Variants in PLEKHG7 observed in about 807,000 individuals in gnomAD.
The protein encoded by PLEKHG7 is pleckstrin homology domain-containing family G member 7.
In PLEKHG7, 77 loss-of-function variants were observed where a neutral mutation model predicts 85.2. That is an observed-to-expected ratio of 0.90 (90% CI 0.75 to 1.09). PLEKHG7 has a LOEUF of 1.09. Ranked by LOEUF, PLEKHG7 falls within the 50% of genes least tolerant of loss-of-function variation. The probability of loss-of-function intolerance (pLI) is 0.00; values close to 1 mark genes in which losing one functional copy is unlikely to be tolerated. For synonymous variants in PLEKHG7, 301 were observed against 302.4 expected, an observed-to-expected ratio of 1.00 and a Z score of 0.05; for missense variants, 777 against 804.3, an observed-to-expected ratio of 0.97 and a Z score of 0.41.
chr12:92,713,421 C>T (rs888110091), intron 3 of PLEKHG7, among the ~76,000 whole-genome samples: 2 of 152,196 alleles, frequency 1.3e-5, no homozygotes, highest in Non-Finnish European at 2.9e-5. Flanking sequence ...TCAGTCTATT[C>T]TGATTGCCGC....
At position 92,741,451 on chromosome 12, in the gene PLEKHG7, G is replaced by A. The variant is rs572782938; in HGVS notation, c.1036-40G>A. 404 of 1,338,564 alleles carry A rather than the reference G, an allele frequency of 3.0e-4. 3 individuals carry two copies. The South Asian group carries it at 4.9e-3, about 16-fold the overall frequency. 82.9% of individuals were successfully genotyped at this position (1,338,564 alleles called of 1,614,324 possible). A position where few individuals can be genotyped will look rare whatever the true frequency, so the allele number is the denominator to read the frequency against. On this transcript the variant is annotated intron_variant, in intron 8 of 16. Coordinates refer to ENST00000344636, the MANE Select transcript of PLEKHG7 (RefSeq NM_001377329.1). The stretch of plus-strand genomic sequence containing the variant: ...AACAAATGTTTATTCCTTAACCCTG[G>A]GTGTGTGCCTATTTTTGTTTTCTTT...
intron 3 of PLEKHG7, chr12:92,708,452 C>T (rs1386754882): frequency 1.3e-5 from 2 of 152,120 alleles, no homozygotes; most frequent in Non-Finnish European, 2.9e-5. Flanking sequence ...ATTGTACCAA[C>T]AAAGGTAGAA....
At position 92,740,842 on chromosome 12, in the gene PLEKHG7, T is replaced by G; in HGVS notation, c.940-11T>G. On this transcript the variant is annotated splice_polypyrimidine_tract_variant and intron_variant, in intron 7 of 16. Coordinates refer to ENST00000344636, the MANE Select transcript of PLEKHG7 (RefSeq NM_001377329.1). ...ACAGAAATTAATGTGTATATATTTTTTATTTCAAAGATCTTTATGAATACA... is the reference window on the plus strand; with the variant it reads ...ACAGAAATTAATGTGTATATATTTTGTATTTCAAAGATCTTTATGAATACA... 1 of 1,559,716 alleles carries G rather than the reference T, an allele frequency of 6.4e-7. No individual in the cohort carries two copies. The highest frequency in any genetic ancestry group is 8.8e-7 in the Non-Finnish European group (1 of 1,137,964).
chr12:92,748,833 G>A (rs1872608647), intron 10 of PLEKHG7, among the ~76,000 whole-genome samples: 1 of 152,236 alleles, frequency 6.6e-6, no homozygotes, highest in Non-Finnish European at 1.5e-5. Flanking sequence ...AAACAAAGGT[G>A]AGAGGTCAGG....
intron 1 of PLEKHG7, among the ~76,000 whole-genome samples, chr12:92,705,011 A>T (rs939983987): frequency 8.5e-5 from 13 of 152,222 alleles, no homozygotes. Flanking sequence ...ATAGGAATAG[A>T]TCTAACAACC....
rs373150889 is a variant in PLEKHG7 at position 92,755,910 on chromosome 12, G to A, written c.1512G>A (p.Trp504Ter). ...AGATTATAGTGTGGCCACCGCTTTG[G>A]GATAGAGATAAAAGGTTTTTCATTC... ...LQEIIVWPPL[W>*]DRDKRFFIPE... Residue 504 changes from tryptophan (W) to a stop codon, truncating the protein, a stop_gained, in exon 12 of 17, where the codon TGG becomes TGA. Coordinates refer to ENST00000344636, the MANE Select transcript of PLEKHG7 (RefSeq NM_001377329.1). LOFTEE classifies it high-confidence loss of function. 1 of 1,612,552 alleles carries A rather than the reference G, an allele frequency of 6.2e-7. No individual in the cohort carries two copies. Among genetic ancestry groups the A allele is most frequent in the Non-Finnish European group, 8.5e-7 (1 of 1,179,470 alleles).
chr12:92,721,570 G>C, intron 3 of PLEKHG7: 1 of 1,111,782 alleles, frequency 9.0e-7, no homozygotes, highest in South Asian at 4.5e-5. Flanking sequence ...GGTGGGTGGG[G>C]GTGGGGAAAG....
At chr12:92,748,927 C>A (rs1872611040) in intron 10 of PLEKHG7, among the ~76,000 whole-genome samples, 1 of 152,220 alleles carries the variant, frequency 6.6e-6, no homozygotes, top group Admixed American at 6.5e-5. Context: ...GTCATCCATC[C>A]TCTTCTTGTC....
intron 7 of PLEKHG7, 92 bp from the exon 8 acceptor site, chr12:92,740,761 C>A: frequency 1.3e-6 from 1 of 774,010 alleles, no homozygotes; most frequent in Non-Finnish European, 2.1e-6. Context: ...TGTAAAGTTA[C>A]ACCCAGGAGG....
At chr12:92,759,845 T>C (rs952640273) in intron 13 of PLEKHG7, among the ~76,000 whole-genome samples, 1 of 152,184 alleles carries the variant, frequency 6.6e-6, no homozygotes, top group African/African-American at 2.4e-5. Context: ...TTCCTAGCCC[T>C]GTATATCAGT....
chr12:92,728,076 A>ATGG lies in PLEKHG7; in HGVS notation c.531-914_531-912dup, dbSNP rs544752887. Among the ~76,000 whole-genome samples the ATGG allele has an allele frequency of 4.1e-3, 56 of 13,512 alleles. 4 individuals are homozygous for ATGG. Among genetic ancestry groups the ATGG allele is most frequent in the Non-Finnish European group, 6.7e-3 (42 of 6,294 alleles). 8.9% of individuals were successfully genotyped at this position (13,512 alleles called of 152,430 possible). A position where few individuals can be genotyped will look rare whatever the true frequency, so the allele number is the denominator to read the frequency against. On this transcript the variant is annotated intron_variant, in intron 3 of 16. Transcript: ENST00000344636. ...TAAATATATATACACACCACATTCC[A>ATGG]TGGTGTATATATAAATATATATACA... is the stretch of plus-strand genomic sequence containing the variant.
At chr12:92,710,806 G>T (rs1212178774) in intron 3 of PLEKHG7, among the ~76,000 whole-genome samples, 1 of 152,172 alleles carries the variant, frequency 6.6e-6, no homozygotes, top group Non-Finnish European at 1.5e-5. Flanking sequence ...TTGTTCATGG[G>T]CCCATCGGGC....
Position 92,706,606 on chromosome 12 carries a change from T to G in PLEKHG7, c.-26T>G. 6.4e-7 allele frequency: 1 copy of G among 1,566,528 alleles called. No individual in the cohort carries two copies. Among genetic ancestry groups the G allele is most frequent in the Non-Finnish European group, 8.6e-7 (1 of 1,158,106 alleles). ...AACTCATACGTCTTCTGGAACCTTC[T>G]ACCAACAGTAGAACCTCTTAGCTTT... is the stretch of plus-strand genomic sequence containing the variant. On this transcript the variant is annotated 5_prime_UTR_variant, in exon 2 of 17. Transcript: ENST00000344636.
intron 5 of PLEKHG7, among the ~76,000 whole-genome samples, chr12:92,734,637 T>G (rs886806757): frequency 6.6e-6 from 1 of 152,208 alleles, no homozygotes; most frequent in Non-Finnish European, 1.5e-5. Flanking sequence ...TTCCTTCAAC[T>G]GTAGGAGTCC....
intron 15 of PLEKHG7, among the ~76,000 whole-genome samples, chr12:92,768,455 A>AT (rs1201573068): frequency 2.6e-5 from 4 of 152,146 alleles, no homozygotes; most frequent in Admixed American, 1.3e-4. Context: ...TGGATGCTGG[A>AT]TTTTGAGTGG....
intron 7 of PLEKHG7, 78 bp downstream of exon 7, chr12:92,737,599 A>G: frequency 7.4e-7 from 1 of 1,355,376 alleles, no homozygotes; most frequent in Non-Finnish European, 1.0e-6. Context: ...CTCTTCTGAA[A>G]GAAATAAAGA....
rs1209549997 is a variant in PLEKHG7 at position 92,761,773 on chromosome 12, T to C, written c.1658T>C (p.Val553Ala). The C allele has an allele frequency of 6.3e-7, 1 of 1,577,680 alleles. No individual in the cohort carries two copies. The highest frequency in any genetic ancestry group is 8.6e-7 in the Non-Finnish European group (1 of 1,167,514). Residue 553 changes from valine (V) to alanine (A), a missense_variant, in exon 14 of 17, where the codon GTT becomes GCT. Val to Ala is a moderately conservative substitution (Grantham distance 64). Transcript: ENST00000344636. ...TCAGAAAGCACGAGATTCCTAGATG[T>C]TTATCTGTTTCTCTTCAATGATTTC... ...TLAESTRFLD[V>A]YLFLFNDFLL...
At chr12:92,769,786 A>T (rs145293221) in intron 16 of PLEKHG7, among the ~76,000 whole-genome samples, 170 of 152,322 alleles carry the variant, frequency 1.1e-3, no homozygotes, top group African/African-American at 3.8e-3. Context: ...TTCAAACTAC[A>T]TATATTCTCA....
chr12:92,705,458 C>T (rs528804338), intron 1 of PLEKHG7, among the ~76,000 whole-genome samples: 35 of 152,340 alleles, frequency 2.3e-4, no homozygotes, highest in Non-Finnish European at 5.1e-4. Context: ...TAAATTTTGG[C>T]TATCCAAATG....
Sources: allele counts gnomAD v4.1 joint callset (sites outside exome capture counted in the v4.1 genomes callset), GRCh38; gene constraint gnomAD v4.1.1; transcripts MANE v1.5; gene names NCBI Gene and HGNC (gene_info 2026-07-23, HGNC 2026-07-21).